PNN: variants seen among roughly 807,000 people sequenced by gnomAD.
PNN encodes pinin.
PNN carries 38 observed loss-of-function variants against 76.6 expected under a neutral mutation model. The ratio of observed to expected loss-of-function variants is 0.50; its 90% confidence interval spans 0.38 to 0.65. The LOEUF is 0.65. Ranked by LOEUF, PNN falls within the 30% of genes least tolerant of loss-of-function variation. The pLI is 0.00. For missense variants in PNN, 873 were observed against 874.1 expected (o/e 1.00, Z 0.02); for synonymous variants, 366 against 283.7 (o/e 1.29, Z -2.91).
Position 39,182,710 on chromosome 14 carries a change from G to C in PNN, c.*847G>C, listed in dbSNP as rs1000568076. 2 of 152,592 alleles carry C rather than the reference G, an allele frequency of 1.3e-5. No individual in the cohort carries two copies. Among genetic ancestry groups the C allele is most frequent in the Admixed American group, 1.3e-4 (2 of 15,268 alleles). 9.5% of individuals were successfully genotyped at this position (152,592 alleles called of 1,614,324 possible). On this transcript the variant is annotated 3_prime_UTR_variant, in exon 9 of 9. Transcript: ENST00000216832. The stretch of plus-strand genomic sequence containing the variant: ...AGTTTGTGTCTTGTCTTAACTTTGT[G>C]TTGGCTCTAACTTAAACATGCTGAT...
At chr14:39,179,904 A>G (rs1453816575) in intron 8 of PNN, among the ~76,000 whole-genome samples, 1 of 150,972 alleles carries the variant, frequency 6.6e-6, no homozygotes, top group Non-Finnish European at 1.5e-5. Flanking sequence ...TCCATCTCAA[A>G]AAAAAAAAAA....
intron 8 of PNN, among the ~76,000 whole-genome samples, 153 bp from the exon 9 acceptor site, chr14:39,180,350 G>GT (rs1268287522): frequency 6.6e-6 from 1 of 152,142 alleles, no homozygotes; most frequent in Non-Finnish European, 1.5e-5. Context: ...TTTTATGTCA[G>GT]TTTGTGGTTA....
chr14:39,177,542 A>G lies in PNN; in HGVS notation c.328-51A>G, dbSNP rs1404459677. 1 of 1,592,402 alleles carries G rather than the reference A, an allele frequency of 6.3e-7. No individual in the cohort carries two copies. The highest frequency in any genetic ancestry group is 1.1e-5 in the South Asian group (1 of 90,666). On this transcript the variant is annotated intron_variant, in intron 4 of 8. Transcript: ENST00000216832. Reference sequence around the variant, plus strand: ...GTACCTTCACTTTACTACATTTAAAAGCACACCACTCATATGCTAGTTAAA... The same window carrying G: ...GTACCTTCACTTTACTACATTTAAAGGCACACCACTCATATGCTAGTTAAA...
intron 3 of PNN, 149 bp from the exon 4 acceptor site, chr14:39,177,263 G>T: frequency 1.6e-6 from 1 of 625,052 alleles, no homozygotes; most frequent in Non-Finnish European, 2.8e-6. Flanking sequence ...GCTCACGCCT[G>T]TAGTCCCAGC....
Position 39,180,556 on chromosome 14 carries a change from G to T in PNN, c.847G>T (p.Ala283Ser). 1 of 1,610,756 alleles carries T rather than the reference G, an allele frequency of 6.2e-7. No individual in the cohort carries two copies. Among genetic ancestry groups the T allele is most frequent in the Non-Finnish European group, 8.5e-7 (1 of 1,179,172 alleles). ...TGCAGAACAAATAAATAAAATGGAG[G>T]CTAGGCCTAGAAGACAATCAATGAA... is the stretch of plus-strand genomic sequence containing the variant. ...EFAEQINKME[A>S]RPRRQSMKEK... Residue 283 changes from alanine (A) to serine (S), a missense_variant, in exon 9 of 9, where the codon GCT becomes TCT. Transcript: ENST00000216832.
Position 39,180,646 on chromosome 14 carries a change from G to C in PNN, c.937G>C (p.Ala313Pro). 3 of 1,613,360 alleles carry C rather than the reference G, an allele frequency of 1.9e-6. No homozygotes were observed. Among genetic ancestry groups the C allele is most frequent in the Non-Finnish European group, 2.5e-6 (3 of 1,179,644 alleles). The change falls in exon 9 of 9, where the codon GCT (alanine) becomes CCT (proline). Residue 313 changes from alanine (A) to proline (P), a missense_variant. Physicochemically the swap from Ala to Pro is conservative, Grantham distance 27 (BLOSUM62 -1). This residue lies in a region of PNN where 712 missense variants were observed against 693.1 expected (regional missense o/e 1.03). Transcript: ENST00000216832. ...GGCGGAACAAGAAGAGGGTAAGGTG[G>C]CTCAGCGAGAGGAAGAGTTGGAGGA... The part of the protein sequence containing the change: ...QKAEQEEGKV[A>P]QREEELEETG...
rs1332544868 is a variant in PNN at position 39,177,710 on chromosome 14, C to T, written c.422+23C>T. ...AAGGTATTTCCCTGGGGGAAAAAAACTCTAGTGAAATAATGCAGTTATAAG... is the reference window on the plus strand; with the variant it reads ...AAGGTATTTCCCTGGGGGAAAAAAATTCTAGTGAAATAATGCAGTTATAAG... On this transcript the variant is annotated intron_variant, in intron 5 of 8. Coordinates refer to ENST00000216832, the MANE Select transcript of PNN (RefSeq NM_002687.4). 3 of 1,561,824 alleles carry T rather than the reference C, an allele frequency of 1.9e-6. No homozygotes were observed. In the Admixed American group the frequency reaches 5.0e-5, roughly 26 times the overall value.
Position 39,177,832 on chromosome 14 carries a change from G to T in PNN, c.423-9G>T, listed in dbSNP as rs371604285. On this transcript the variant is annotated splice_polypyrimidine_tract_variant and intron_variant, in intron 5 of 8. Transcript: ENST00000216832. ...TGTTGACAGTAAATTTTCTTATTCT[G>T]TTCTTTAGGAACCGGCGAATATTTG... 6.2e-7 allele frequency: 1 copy of T among 1,604,184 alleles called. No individual in the cohort carries two copies. Among genetic ancestry groups the T allele is most frequent in the African/African-American group, 1.3e-5 (1 of 74,702 alleles).
chr14:39,176,061 T>C lies in PNN; in HGVS notation c.114-17T>C. 1 of 1,507,254 alleles carries C rather than the reference T, an allele frequency of 6.6e-7. No individual in the cohort carries two copies. Among genetic ancestry groups the C allele is most frequent in the Non-Finnish European group, 9.2e-7 (1 of 1,083,174 alleles). The allele number at this position is 1,507,254 out of a possible 1,614,324, so 93.4% of individuals were successfully genotyped here. On this transcript the variant is annotated splice_polypyrimidine_tract_variant and intron_variant, in intron 1 of 8. Transcript: ENST00000216832. ...TGTCTACATATGATTTTGCACTGAT[T>C]TGTAAATCTTTTACAGGCCCATCCA...
In PNN at chr14:39,175,264, C is replaced by CG. The variant is rs568852316; in HGVS notation, c.-16_-15insG. 1.4e-4 allele frequency: 213 copies of CG among 1,536,828 alleles called. 2 individuals are homozygous for CG. In the East Asian group the frequency reaches 3.5e-3, roughly 26 times the overall value. ...CTCGGCCTGTAAAGCAGTCTCAAGC[C>CG]TGCCGCAGGGAGAAGATGGCGGTCG... On this transcript the variant is annotated 5_prime_UTR_variant, in exon 1 of 9. Coordinates refer to ENST00000216832, the MANE Select transcript of PNN (RefSeq NM_002687.4).
At chr14:39,175,811 G>T (rs1353054013) in intron 1 of PNN, 1 of 494,016 alleles carries the variant, frequency 2.0e-6, no homozygotes, top group South Asian at 2.3e-5. Context: ...GCCTCCTCGG[G>T]GATGGCGGGA....
chr14:39,178,905 A>AT (rs2053250090), intron 6 of PNN, 186 bp from the exon 7 acceptor site: 1 of 550,736 alleles, frequency 1.8e-6, no homozygotes, highest in Non-Finnish European at 3.1e-6. Flanking sequence ...CGCCCTGTTA[A>AT]TTTTTTTGTG....
In PNN at chr14:39,181,913, G is replaced by T. The variant is rs2053273469; in HGVS notation, c.*50G>T. 2.0e-6 allele frequency: 3 copies of T among 1,496,888 alleles called. No individual in the cohort carries two copies. Among genetic ancestry groups the T allele is most frequent in the Non-Finnish European group, 2.7e-6 (3 of 1,127,170 alleles). The allele number at this position is 1,496,888 out of a possible 1,614,324, so 92.7% of individuals were successfully genotyped here. On this transcript the variant is annotated 3_prime_UTR_variant, in exon 9 of 9. Coordinates refer to ENST00000216832, the MANE Select transcript of PNN (RefSeq NM_002687.4). ...CATTCTTTGCAGCAGAAGATTTCTT[G>T]ATAAAAAAGGATTACCTTTCCTTGT... is the stretch of plus-strand genomic sequence containing the variant.
chr14:39,177,796 G>A, intron 5 of PNN, 45 bp from the exon 6 acceptor site: 1 of 1,502,900 alleles, frequency 6.7e-7, no homozygotes, highest in Non-Finnish European at 9.3e-7. Context: ...GGGTTTAAAT[G>A]AAATGGATCC....
At position 39,181,838 on chromosome 14, in the gene PNN, C is replaced by G; in HGVS notation, c.2129C>G (p.Ser710Ter). Residue 710 changes from serine (S) to a stop codon, truncating the protein, a stop_gained, in exon 9 of 9, where the codon TCA (serine) becomes TGA (stop). Transcript: ENST00000216832. LOFTEE classifies it high-confidence loss of function. Reference protein sequence around the residue: ...RSSRSERDRKSDRKDKRR With the variant: ...RSSRSERDRK ...TCAAGAAGTGAAAGAGACCGAAAATCAGACAGGAAAGACAAAAGGCGTTAA... is the reference window on the plus strand; with the variant it reads ...TCAAGAAGTGAAAGAGACCGAAAATGAGACAGGAAAGACAAAAGGCGTTAA... 3 of 1,598,582 alleles carry G rather than the reference C, an allele frequency of 1.9e-6. No homozygotes were observed. Among genetic ancestry groups the G allele is most frequent in the Non-Finnish European group, 2.6e-6 (3 of 1,175,710 alleles).
chr14:39,178,541 AAAAATG>A (rs1351454503), intron 6 of PNN, among the ~76,000 whole-genome samples: 1 of 152,024 alleles, frequency 6.6e-6, no homozygotes, highest in African/African-American at 2.4e-5. Flanking sequence ...CAAAAAAAGA[AAAAATG>A]TGAAGCATAT....
intron 4 of PNN, 29 bp from the exon 5 acceptor site, chr14:39,177,564 T>G: frequency 6.2e-7 from 1 of 1,606,986 alleles, no homozygotes; most frequent in Non-Finnish European, 8.5e-7. Context: ...ATATGCTAGT[T>G]AAATTACTGA....
chr14:39,176,246 T>A, intron 2 of PNN, 97 bp downstream of exon 2: 1 of 750,736 alleles, frequency 1.3e-6, no homozygotes, highest in Non-Finnish European at 2.3e-6. Context: ...AATAACCCAG[T>A]GTTTGTCGTC....
chr14:39,178,168 A>G (rs778629112), intron 6 of PNN, among the ~76,000 whole-genome samples: 1 of 152,018 alleles, frequency 6.6e-6, no homozygotes, highest in Non-Finnish European at 1.5e-5. Flanking sequence ...TCAAGTCTCC[A>G]TTTCCTTAAA....
Sources: gnomAD v4.1 joint callset for allele counts (sites outside exome capture counted in the v4.1 genomes callset) on GRCh38, gnomAD v4.1.1 for gene constraint, gnomAD v4.1.1 regional missense constraint, MANE v1.5 for transcripts, NCBI Gene and HGNC (gene_info 2026-07-23, HGNC 2026-07-21) for gene names.